ACYP2: variants seen among roughly 807,000 people sequenced by gnomAD.
The protein encoded by ACYP2 is acylphosphatase-2.
ACYP2 carries 12 observed loss-of-function variants against 11.2 expected under a neutral mutation model. The observed-to-expected ratio is 1.08, with a 90% confidence interval of 0.69 to 1.74. ACYP2 has a LOEUF of 1.74. ACYP2 is among the 40% of genes most tolerant of loss of function. ACYP2 has a pLI of 0.00. For missense variants in ACYP2, 134 were observed against 101.9 expected, an observed-to-expected ratio of 1.31 and a Z score of -1.35; for synonymous variants, 43 against 32.2, an observed-to-expected ratio of 1.33 and a Z score of -1.13.
chr2:54,238,826 T>C (rs932433642), intron 6 of ACYP2, among the ~76,000 whole-genome samples: 1 of 151,854 alleles, frequency 6.6e-6, no homozygotes, highest in Non-Finnish European at 1.5e-5. Flanking sequence ...AAGCAAAATA[T>C]TATGAGTGCT....
intron 3 of ACYP2, among the ~76,000 whole-genome samples, chr2:54,056,841 C>G (rs969655452): frequency 1.3e-5 from 2 of 151,972 alleles, no homozygotes; most frequent in Non-Finnish European, 2.9e-5. Context: ...TTCTGTAAAT[C>G]TAAAATCAGA....
chr2:54,287,229 G>A (rs764429485), intron 6 of ACYP2, among the ~76,000 whole-genome samples: 17 of 151,846 alleles, frequency 1.1e-4, no homozygotes, highest in African/African-American at 3.2e-4. Flanking sequence ...TCCTCCAGAG[G>A]GGGCTAACTC....
intron 6 of ACYP2, among the ~76,000 whole-genome samples, chr2:54,272,151 A>T (rs752371223): frequency 1.3e-5 from 2 of 152,218 alleles, no homozygotes; most frequent in Non-Finnish European, 2.9e-5. Flanking sequence ...TACCAAGTAT[A>T]CAATTATTAA....
chr2:54,255,090 A>G, intron 6 of ACYP2: 1 of 1,614,154 alleles, frequency 6.2e-7, no homozygotes, highest in South Asian at 1.1e-5. Flanking sequence ...TGTGGTCTGA[A>G]AACCAGGTGA....
At chr2:54,013,427 A>G (rs1265113055) in intron 2 of ACYP2, among the ~76,000 whole-genome samples, 3 of 151,706 alleles carry the variant, frequency 2.0e-5, no homozygotes, top group East Asian at 3.9e-4. Context: ...CAGCCTCCCA[A>G]GTAGCTGGGA....
At chr2:54,163,719 G>C (rs1682830061) in intron 6 of ACYP2, among the ~76,000 whole-genome samples, 1 of 152,116 alleles carries the variant, frequency 6.6e-6, no homozygotes, top group African/African-American at 2.4e-5. Flanking sequence ...AGCCAGGTGT[G>C]TTGGTGGATG....
intron 6 of ACYP2, among the ~76,000 whole-genome samples, chr2:54,191,886 G>T (rs1684256572): frequency 6.6e-6 from 1 of 152,128 alleles, no homozygotes. Flanking sequence ...TATGTAGACA[G>T]GTTTGCCTAT....
chr2:54,102,773 G>A (rs1678969095), intron 4 of ACYP2, among the ~76,000 whole-genome samples: 1 of 148,192 alleles, frequency 6.7e-6, no homozygotes, highest in Non-Finnish European at 1.5e-5. Context: ...TTTATCTTTT[G>A]CCCTGCTCTC....
chr2:54,031,019 G>A (rs1372367057), intron 2 of ACYP2, among the ~76,000 whole-genome samples: 1 of 152,198 alleles, frequency 6.6e-6, no homozygotes, highest in Non-Finnish European at 1.5e-5. Context: ...GGTGGCCAAA[G>A]CAGTAAGGGG....
chr2:54,064,915 C>G (rs1433812654), intron 4 of ACYP2, among the ~76,000 whole-genome samples: 2 of 152,096 alleles, frequency 1.3e-5, no homozygotes, highest in African/African-American at 4.8e-5. Flanking sequence ...GAAACCCCGT[C>G]TCTACTAAAA....
At chr2:54,292,018 G>C (rs897736909) in intron 6 of ACYP2, among the ~76,000 whole-genome samples, 6 of 152,138 alleles carry the variant, frequency 3.9e-5, no homozygotes, top group African/African-American at 1.4e-4. Context: ...TAGAAATCCA[G>C]ATAGTTTTGT....
intron 6 of ACYP2, among the ~76,000 whole-genome samples, chr2:54,185,597 A>G (rs1683947717): frequency 6.6e-6 from 1 of 152,250 alleles, no homozygotes; most frequent in East Asian, 1.9e-4. Flanking sequence ...CAGTGATTTT[A>G]GCAGTCTAAT....
intron 2 of ACYP2, among the ~76,000 whole-genome samples, chr2:54,022,816 A>G (rs989973178): frequency 2.0e-5 from 3 of 152,196 alleles, no homozygotes; most frequent in African/African-American, 7.2e-5. Context: ...CTGAAGATGG[A>G]GAGACGCCTC....
intron 6 of ACYP2, among the ~76,000 whole-genome samples, chr2:54,208,713 T>A (rs914769821): frequency 6.6e-6 from 1 of 152,162 alleles, no homozygotes; most frequent in Admixed American, 6.5e-5. Context: ...GACTTTTTTT[T>A]TTCAGGGCTA....
chr2:54,202,219 C>T (rs1270371739), intron 6 of ACYP2, among the ~76,000 whole-genome samples: 1 of 152,086 alleles, frequency 6.6e-6, no homozygotes, highest in Non-Finnish European at 1.5e-5. Context: ...AGCAGTTCTC[C>T]TGCCTTGGCA....
intron 6 of ACYP2, among the ~76,000 whole-genome samples, chr2:54,220,793 T>C (rs1167918701): frequency 1.3e-5 from 2 of 152,248 alleles, no homozygotes; most frequent in African/African-American, 4.8e-5. Flanking sequence ...CTTGTGTCTT[T>C]AGACTCTCCT....
intron 6 of ACYP2, among the ~76,000 whole-genome samples, chr2:54,203,067 A>G (rs938913553): frequency 6.6e-6 from 1 of 152,104 alleles, no homozygotes; most frequent in African/African-American, 2.4e-5. Context: ...GAGTATTGCT[A>G]TCTTAACAGT....
chr2:54,136,452 A>G (rs111466694), intron 5 of ACYP2, among the ~76,000 whole-genome samples: 1 of 152,156 alleles, frequency 6.6e-6, no homozygotes, highest in South Asian at 2.1e-4. Context: ...TGAGGGTTCC[A>G]ATATTTTCCC....
intron 2 of ACYP2, among the ~76,000 whole-genome samples, chr2:54,017,121 A>G (rs891650095): frequency 1.3e-5 from 2 of 152,142 alleles, no homozygotes; most frequent in African/African-American, 4.8e-5. Flanking sequence ...GTAGCAGAGG[A>G]GCAAAAGCAA....
Sources: gnomAD v4.1 joint callset for allele counts (sites outside exome capture counted in the v4.1 genomes callset) on GRCh38, gnomAD v4.1.1 for gene constraint, MANE v1.5 for transcripts, NCBI Gene and HGNC (gene_info 2026-07-23, HGNC 2026-07-21) for gene names.